The following CERS6 variants were observed in gnomAD, a reference collection of about 807,000 sequenced individuals.
The protein encoded by CERS6 is ceramide synthase 6.
CERS6 carries 26 observed loss-of-function variants against 56.8 expected under a neutral mutation model. The ratio of observed to expected loss-of-function variants is 0.46; its 90% CI spans 0.34 to 0.63. The LOEUF (loss-of-function observed/expected upper bound fraction) is 0.63. Ranked by LOEUF, CERS6 falls within the 30% of genes least tolerant of loss-of-function variation. CERS6 has a pLI of 0.01. For synonymous variants in CERS6, 164 were observed against 173.3 expected (o/e 0.95, Z 0.42); for missense variants, 415 against 467.5 (o/e 0.89, Z 1.04).
At chr2:168,722,734 CAGG>C (rs1559067636) in intron 8 of CERS6, among the ~76,000 whole-genome samples, 1 of 152,170 alleles carries the variant, frequency 6.6e-6, no homozygotes, top group African/African-American at 2.4e-5. Flanking sequence ...TCTAATAAGC[CAGG>C]AGGTCAGACA....
At chr2:168,713,014 A>T (rs1687132738) in intron 6 of CERS6, among the ~76,000 whole-genome samples, 1 of 151,920 alleles carries the variant, frequency 6.6e-6, no homozygotes. Flanking sequence ...ACTATAAGAG[A>T]TCATTTACTT....
intron 3 of CERS6, among the ~76,000 whole-genome samples, chr2:168,622,139 T>C (rs1445052388): frequency 6.6e-6 from 1 of 152,170 alleles, no homozygotes; most frequent in Admixed American, 6.5e-5. Flanking sequence ...CAGAATCAGC[T>C]AAAGCTCCCC....
intron 4 of CERS6, among the ~76,000 whole-genome samples, chr2:168,660,068 G>T (rs1685589366): frequency 6.6e-6 from 1 of 152,190 alleles, no homozygotes; most frequent in South Asian, 2.1e-4. Context: ...GGATCCTTAA[G>T]TGACTGTGGA....
chr2:168,584,061 AGT>A lies in CERS6; in HGVS notation c.407+22740_407+22741del, dbSNP rs1003020119. Among the ~76,000 whole-genome samples, 30 of 152,222 alleles carry A rather than the reference AGT, an allele frequency of 2.0e-4. 1 individual carries two copies. Among genetic ancestry groups the A allele is most frequent in the Admixed American group, 1.3e-3 (20 of 15,280 alleles). On this transcript the variant is annotated intron_variant, in intron 3 of 9. Transcript: ENST00000305747. The stretch of plus-strand genomic sequence containing the variant: ...TACCCTAATTTTCAAAAGGTTAAGC[AGT>A]TTACCCACGATAGGTAGTGAGAGTC...
At chr2:168,748,405 A>G (rs1236361177) in intron 8 of CERS6, among the ~76,000 whole-genome samples, 7 of 152,204 alleles carry the variant, frequency 4.6e-5, no homozygotes, top group African/African-American at 1.7e-4. Flanking sequence ...TTATTTTTAG[A>G]TGAAACCCCC....
intron 8 of CERS6, among the ~76,000 whole-genome samples, chr2:168,764,991 T>G (rs1183639190): frequency 6.6e-6 from 1 of 152,170 alleles, no homozygotes. Context: ...AATGGATGAA[T>G]GGATAAAATA....
chr2:168,489,278 A>G (rs980223890), intron 1 of CERS6, among the ~76,000 whole-genome samples: 3 of 152,132 alleles, frequency 2.0e-5, no homozygotes, highest in African/African-American at 7.2e-5. Context: ...AATTCAAACC[A>G]TTCTTCCTCT....
At chr2:168,615,392 T>G (rs1226196476) in intron 3 of CERS6, among the ~76,000 whole-genome samples, 1 of 150,582 alleles carries the variant, frequency 6.6e-6, no homozygotes, top group African/African-American at 2.4e-5. Flanking sequence ...TGAAAAAGAA[T>G]CCAGAAAGTC....
At position 168,769,900 on chromosome 2, in the gene CERS6, A is replaced by G; in HGVS notation, c.*238A>G. ...ACAAGGGAACAGTATTTGCATTTGT[A>G]CTGTCTTAGAATATTATTTATTTTT... On this transcript the variant is annotated 3_prime_UTR_variant, in exon 10 of 10. Coordinates refer to ENST00000305747, the MANE Select transcript of CERS6 (RefSeq NM_203463.3). The G allele has an allele frequency of 2.0e-6, 1 of 494,864 alleles. No homozygotes were observed. The highest frequency in any genetic ancestry group is 3.5e-6 in the Non-Finnish European group (1 of 284,086). The allele number at this position is 494,864 out of a possible 1,614,324, so 30.7% of individuals were successfully genotyped here.
At chr2:168,553,406 A>G (rs1695613202) in intron 2 of CERS6, among the ~76,000 whole-genome samples, 1 of 152,204 alleles carries the variant, frequency 6.6e-6, no homozygotes. Flanking sequence ...GTTCAACACT[A>G]AAACTTAACA....
chr2:168,630,883 A>G (rs1175624351), intron 3 of CERS6, 102 bp from the exon 4 acceptor site: 5 of 519,648 alleles, frequency 9.6e-6, no homozygotes, highest in Admixed American at 3.7e-5. Flanking sequence ...AGGTAGGGGG[A>G]CAAATTTAAT....
intron 8 of CERS6, among the ~76,000 whole-genome samples, chr2:168,756,226 A>G (rs567770559): frequency 6.6e-6 from 1 of 152,318 alleles, no homozygotes; most frequent in South Asian, 2.1e-4. Flanking sequence ...CTGGAATCTC[A>G]GTCTTTCTTA....
intron 1 of CERS6, among the ~76,000 whole-genome samples, chr2:168,544,528 A>C (rs1574055439): frequency 6.6e-6 from 1 of 151,890 alleles, no homozygotes; most frequent in Non-Finnish European, 1.5e-5. Flanking sequence ...TGTTACACCA[A>C]CTCTTCTGTG....
At chr2:168,712,409 ATTTTC>A (rs1382725615) in intron 6 of CERS6, among the ~76,000 whole-genome samples, 3 of 152,116 alleles carry the variant, frequency 2.0e-5, no homozygotes, top group Admixed American at 1.3e-4. Flanking sequence ...GCCCTGTTTC[ATTTTC>A]ATGACTACAA....
chr2:168,503,475 A>G (rs2105346368), intron 1 of CERS6, among the ~76,000 whole-genome samples: 1 of 152,284 alleles, frequency 6.6e-6, no homozygotes, highest in East Asian at 1.9e-4. Context: ...TGGCTGAAAG[A>G]TGCTTAGTGT....
Position 168,500,288 on chromosome 2 carries a change from T to C in CERS6, c.170+43670T>C, listed in dbSNP as rs141968173. 1.5e-4 allele frequency among the ~76,000 whole-genome samples: 23 copies of C among 152,310 alleles called. No individual in the cohort carries two copies. The East Asian group carries it at 4.4e-3, about 29-fold the overall frequency. On this transcript the variant is annotated intron_variant, in intron 1 of 9. Coordinates refer to ENST00000305747, the MANE Select transcript of CERS6 (RefSeq NM_203463.3). Reference sequence around the variant, plus strand: ...CATAGATTGAGAGGGTCTCAAGGTATAGAATGAATGTACAGCATTAGTAAC... The same window carrying C: ...CATAGATTGAGAGGGTCTCAAGGTACAGAATGAATGTACAGCATTAGTAAC...
At chr2:168,618,797 C>T (rs1684388404) in intron 3 of CERS6, among the ~76,000 whole-genome samples, 1 of 152,056 alleles carries the variant, frequency 6.6e-6, no homozygotes. Context: ...TGAAAATGAC[C>T]ATACTGCCAA....
chr2:168,712,851 A>G (rs1019404388), intron 6 of CERS6, among the ~76,000 whole-genome samples: 2 of 152,042 alleles, frequency 1.3e-5, no homozygotes, highest in East Asian at 1.9e-4. Flanking sequence ...CTGTAAGACT[A>G]GCTTCCTCAT....
chr2:168,499,420 TG>T (rs1694538882), intron 1 of CERS6, among the ~76,000 whole-genome samples: 1 of 152,176 alleles, frequency 6.6e-6, no homozygotes, highest in Non-Finnish European at 1.5e-5. Flanking sequence ...AGGAACAAAG[TG>T]GTGAGTTATG....
Sources: allele counts gnomAD v4.1 joint callset (sites outside exome capture counted in the v4.1 genomes callset), GRCh38; gene constraint gnomAD v4.1.1; transcripts MANE v1.5; gene names NCBI Gene and HGNC (gene_info 2026-07-23, HGNC 2026-07-21).